HTR4: variants seen among roughly 807,000 people sequenced by gnomAD.
The protein encoded by HTR4 is 5-hydroxytryptamine receptor 4.
In HTR4, 16 loss-of-function variants were observed where a neutral mutation model predicts 36.8. The ratio of observed to expected loss-of-function variants is 0.43; its 90% confidence interval spans 0.29 to 0.66. The LOEUF is 0.66. Among genes scored for constraint, HTR4 ranks in the 30% least tolerant of loss-of-function variants. HTR4 has a pLI of 0.13. For synonymous variants in HTR4, 189 were observed against 185.1 expected (o/e 1.02, Z -0.17); for missense variants, 438 against 490.9 (o/e 0.89, Z 1.02).
intron 2 of HTR4, among the ~76,000 whole-genome samples, chr5:148,578,505 T>A (rs1296586797): frequency 6.6e-6 from 1 of 152,096 alleles, no homozygotes; most frequent in African/African-American, 2.4e-5. Context: ...ATACTTTCAA[T>A]GAACATCATG....
intron 2 of HTR4, among the ~76,000 whole-genome samples, chr5:148,556,187 C>A (rs1264380204): frequency 1.3e-5 from 2 of 152,254 alleles, no homozygotes; most frequent in East Asian, 3.9e-4. Context: ...CCACACCCAG[C>A]TAATTTTTGT....
intron 5 of HTR4, among the ~76,000 whole-genome samples, chr5:148,466,819 G>C (rs1222248127): frequency 1.3e-5 from 2 of 152,124 alleles, no homozygotes; most frequent in Non-Finnish European, 2.9e-5. Context: ...TGGTCATTTA[G>C]ACCTCCAATT....
At position 148,482,786 on chromosome 5, in the gene HTR4, G is replaced by A. The variant is rs755355975; in HGVS notation, c.*417C>T. 2.1e-5 allele frequency: 22 copies of A among 1,044,982 alleles called. No individual in the cohort carries two copies. Among genetic ancestry groups the A allele is most frequent in the Non-Finnish European group, 2.5e-5 (22 of 863,872 alleles). The allele number at this position is 1,044,982 out of a possible 1,614,324, so 64.7% of individuals were successfully genotyped here. On this transcript the variant is annotated 3_prime_UTR_variant, in exon 7 of 7. Transcript: ENST00000377888. ...TGGCTAAGACAGGAACAGAGAGGGA[G>A]TATTTTGTTGATATCTGGAAGCCCA...
chr5:148,645,059 T>A (rs1207847793), intron 1 of HTR4: 1 of 152,230 alleles, frequency 6.6e-6, no homozygotes, highest in Non-Finnish European at 1.5e-5. Context: ...ATAAAATAAA[T>A]TTATTTAAGG....
chr5:148,460,570 G>T (rs2113692602), intron 5 of HTR4, among the ~76,000 whole-genome samples: 1 of 152,090 alleles, frequency 6.6e-6, no homozygotes, highest in South Asian at 2.1e-4. Flanking sequence ...GGAGAAATAA[G>T]AACTTTCTGG....
At chr5:148,479,577 C>T (rs920054619), downstream of HTR4, among the ~76,000 whole-genome samples, 1 of 152,040 alleles carries the variant, frequency 6.6e-6, no homozygotes, top group African/African-American at 2.4e-5. Flanking sequence ...TTCCATAACA[C>T]ATTTCTGGGA....
At chr5:148,637,941 G>T (rs1204355314) in intron 1 of HTR4, among the ~76,000 whole-genome samples, 2 of 152,154 alleles carry the variant, frequency 1.3e-5, no homozygotes, top group African/African-American at 4.8e-5. Flanking sequence ...AAAGAGAAGA[G>T]ATTGGAAAAA....
chr5:148,651,597 G>T (rs1476445720), intron 1 of HTR4, among the ~76,000 whole-genome samples: 1 of 151,996 alleles, frequency 6.6e-6, no homozygotes, highest in Non-Finnish European at 1.5e-5. Context: ...ATTCTATGAT[G>T]CAGAGCACAG....
chr5:148,492,687 A>T (rs976474869), intron 6 of HTR4, among the ~76,000 whole-genome samples: 1 of 152,248 alleles, frequency 6.6e-6, no homozygotes, highest in South Asian at 2.1e-4. Flanking sequence ...GGATGTTATC[A>T]ATTTAACCTT....
At chr5:148,584,659 A>G (rs1363424471) in intron 2 of HTR4, among the ~76,000 whole-genome samples, 1 of 152,136 alleles carries the variant, frequency 6.6e-6, no homozygotes, top group Non-Finnish European at 1.5e-5. Context: ...GGGGGCACCA[A>G]TATGCCCAAC....
intron 2 of HTR4, among the ~76,000 whole-genome samples, chr5:148,619,000 G>T (rs1464796528): frequency 6.6e-6 from 1 of 152,042 alleles, no homozygotes; most frequent in African/African-American, 2.4e-5. Flanking sequence ...TAGTGGAGAT[G>T]ATCTTGATTC....
intron 5 of HTR4, among the ~76,000 whole-genome samples, chr5:148,515,865 G>C (rs1383549040): frequency 3.3e-5 from 5 of 151,502 alleles, no homozygotes; most frequent in African/African-American, 1.2e-4. Context: ...TTATCTTTTT[G>C]GAAAATTCTT....
At chr5:148,536,480 C>T (rs1364220938) in intron 4 of HTR4, among the ~76,000 whole-genome samples, 1 of 151,808 alleles carries the variant, frequency 6.6e-6, no homozygotes, top group African/African-American at 2.4e-5. Flanking sequence ...CAATGGTATG[C>T]TGTCTTAAAG....
rs201666573 is a variant in HTR4 at position 148,548,700 on chromosome 5, C to T, written c.321G>A (p.Ser107=). The T allele has an allele frequency of 2.1e-5, 34 of 1,608,898 alleles. No homozygotes were observed. The highest frequency in any genetic ancestry group is 1.0e-4 in the Admixed American group (6 of 59,532). Residue 107 remains serine (S), a synonymous_variant, in exon 4 of 7, where the codon TCG becomes TCA. Transcript: ENST00000377888. ...GAGAAATGCAGCACAGGTGAAAAATCGATGCCGTTGTGAGCAGGACGTCCA... is the reference window on the plus strand; with the variant it reads ...GAGAAATGCAGCACAGGTGAAAAATTGATGCCGTTGTGAGCAGGACGTCCA... ...TSLDVLLTTA[S]IFHLCCISLD...
chr5:148,645,863 A>G (rs1295176317), intron 1 of HTR4: 1 of 152,200 alleles, frequency 6.6e-6, no homozygotes, highest in Non-Finnish European at 1.5e-5. Flanking sequence ...GGATGTGGCT[A>G]CAGAAATTAT....
intron 5 of HTR4, among the ~76,000 whole-genome samples, chr5:148,516,877 A>G (rs1757784809): frequency 6.6e-6 from 1 of 152,146 alleles, no homozygotes; most frequent in South Asian, 2.1e-4. Flanking sequence ...GAACACCTCA[A>G]TCATGTTTAG....
At chr5:148,548,389 G>A (rs184079238) in intron 4 of HTR4, among the ~76,000 whole-genome samples, 290 of 152,258 alleles carry the variant, frequency 1.9e-3, no homozygotes, top group Non-Finnish European at 3.3e-3. Context: ...CAGCTCTATA[G>A]TAAACTTGAT....
chr5:148,486,142 G>T (rs145030739), intron 6 of HTR4, among the ~76,000 whole-genome samples: 1 of 152,204 alleles, frequency 6.6e-6, no homozygotes, highest in Non-Finnish European at 1.5e-5. Context: ...TCAGCAGGAC[G>T]AATGGGAATG....
At chr5:148,590,052 G>A (rs1376067300) in intron 2 of HTR4, among the ~76,000 whole-genome samples, 3 of 151,998 alleles carry the variant, frequency 2.0e-5, no homozygotes, top group Non-Finnish European at 4.4e-5. Flanking sequence ...CTGCTTCTAT[G>A]AGTTTAACTT....
Sources: gnomAD v4.1 joint callset for allele counts (sites outside exome capture counted in the v4.1 genomes callset) on GRCh38, gnomAD v4.1.1 for gene constraint, MANE v1.5 for transcripts, NCBI Gene and HGNC (gene_info 2026-07-23, HGNC 2026-07-21) for gene names.